Variants in PWWP3A observed in about 807,000 individuals in gnomAD.
PWWP3A encodes the protein PWWP domain-containing DNA repair factor 3A.
A neutral mutation model predicts 79.0 loss-of-function variants in PWWP3A; 53 were observed. The ratio of observed to expected loss-of-function variants is 0.67; its 90% CI spans 0.54 to 0.84. The LOEUF is 0.84. PWWP3A is among the 40% of genes least tolerant of loss of function. PWWP3A has a pLI of 0.00. For synonymous variants in PWWP3A, 443 were observed against 394.4 expected, an observed-to-expected ratio of 1.12 and a Z score of -1.46; for missense variants, 973 against 948.0, an observed-to-expected ratio of 1.03 and a Z score of -0.35.
intron 13 of PWWP3A, among the ~76,000 whole-genome samples, chr19:1,376,291 GTTTGTTTTTTTTTTTGTTTGTTT>G (rs1298154753): frequency 3.5e-4 from 18 of 50,852 alleles, no homozygotes; most frequent in Non-Finnish European, 6.0e-4. Context: ...ACGCCCGGCT[GTTTGTTTTTTTTTTTGTTTGTTT>G]TTTTTTTTTT....
chr19:1,371,202 C>A lies in PWWP3A; in HGVS notation c.1986+124C>A, dbSNP rs182532164. On this transcript the variant is annotated intron_variant, in intron 12 of 13. Coordinates refer to ENST00000591337, the MANE Select transcript of PWWP3A (RefSeq NM_001369789.1). Reference sequence around the variant, plus strand: ...CCTGGCCGTTCGGCGGCCAACGGAGCGTGGAGGCCTCCTGTGTTTACATCC... The same window carrying A: ...CCTGGCCGTTCGGCGGCCAACGGAGAGTGGAGGCCTCCTGTGTTTACATCC... The A allele has an allele frequency of 9.8e-5, 105 of 1,067,476 alleles. No individual in the cohort carries two copies. In the African/African-American group the frequency reaches 1.4e-3, roughly 14 times the overall value. The allele number at this position is 1,067,476 out of a possible 1,614,324, so 66.1% of individuals were successfully genotyped here.
rs201942090 is a variant in PWWP3A at position 1,360,262 on chromosome 19, G to A, written c.341G>A (p.Arg114Lys). The A allele has an allele frequency of 5.2e-5, 84 of 1,614,040 alleles. No individual in the cohort carries two copies. Among genetic ancestry groups the A allele is most frequent in the Non-Finnish European group, 1.7e-6 (2 of 1,180,018 alleles). The change falls in exon 5 of 14, where the codon AGA (arginine) becomes AAA (lysine). Residue 114 changes from arginine to lysine, a missense_variant. Arg to Lys is a conservative substitution (Grantham distance 26). Coordinates refer to ENST00000591337, the MANE Select transcript of PWWP3A (RefSeq NM_001369789.1). The surrounding 1 kb of genome is among the most constrained non-coding windows in gnomAD (Gnocchi z 4.4). ...CAAGAAAGCTCTGCAGGGACAGGTA[G>A]AGCTGACCGGTCTCTGCGAGGGAAG... ...WSQESSAGTG[R>K]ADRSLRGKPM...
At chr19:1,374,942 C>G (rs1385449285) in intron 13 of PWWP3A, among the ~76,000 whole-genome samples, 1 of 151,910 alleles carries the variant, frequency 6.6e-6, no homozygotes, top group African/African-American at 2.4e-5. Context: ...TTGTTAAGGC[C>G]TGGTGCGGTT....
rs1319013710 is a variant in PWWP3A at position 1,376,648 on chromosome 19, A to C, written c.*72A>C. On this transcript the variant is annotated 3_prime_UTR_variant, in exon 14 of 14. Transcript: ENST00000591337. ...CTCCAGTGTGCATGAGCGTGTCTGA[A>C]GATGGGGGGCTCAGGGGGCACGTTT... 6.7e-6 allele frequency: 10 copies of C among 1,500,856 alleles called. No homozygotes were observed. Among genetic ancestry groups the C allele is most frequent in the Non-Finnish European group, 9.2e-6 (10 of 1,085,918 alleles). The allele number at this position is 1,500,856 out of a possible 1,614,324, so 93.0% of individuals were successfully genotyped here.
chr19:1,363,565 C>T (rs1045870920), intron 6 of PWWP3A, among the ~76,000 whole-genome samples: 3 of 152,232 alleles, frequency 2.0e-5, no homozygotes, highest in Admixed American at 2.0e-4. Context: ...CCGGGACATA[C>T]AGAGGCTGGT....
At chr19:1,362,453 C>T in intron 6 of PWWP3A, 102 bp downstream of exon 6, 2 of 843,012 alleles carry the variant, frequency 2.4e-6, no homozygotes, top group African/African-American at 1.7e-5. Context: ...GAAAGGTCTC[C>T]TGCGAGTTCA....
At chr19:1,374,662 G>A (rs559069591) in intron 13 of PWWP3A, among the ~76,000 whole-genome samples, 2 of 152,142 alleles carry the variant, frequency 1.3e-5, no homozygotes, top group African/African-American at 4.8e-5. Flanking sequence ...TGCTGAGAGG[G>A]GTTGCTAGCT....
chr19:1,369,376 G>A lies in PWWP3A; in HGVS notation c.1498+36G>A, dbSNP rs1329830984. ...TGCTGGGGAGGGGTGGAGCTGGGCA[G>A]CAGGCGTCCAGCCTCTGAAGACCCC... On this transcript the variant is annotated intron_variant, in intron 10 of 13. Coordinates refer to ENST00000591337, the MANE Select transcript of PWWP3A (RefSeq NM_001369789.1). The surrounding 1 kb of genome is among the most constrained non-coding windows in gnomAD (Gnocchi z 4.0). 6.2e-7 allele frequency: 1 copy of A among 1,603,158 alleles called. No homozygotes were observed. The highest frequency in any genetic ancestry group is 8.5e-7 in the Non-Finnish European group (1 of 1,172,090).
At chr19:1,364,247 C>T (rs962031197) in intron 6 of PWWP3A, 2 of 625,910 alleles carry the variant, frequency 3.2e-6, no homozygotes, top group African/African-American at 1.8e-5. Context: ...CCCAAGGGTG[C>T]GTTTGTCGCA....
chr19:1,371,117 G>C, intron 12 of PWWP3A, 39 bp downstream of exon 12: 1 of 1,536,368 alleles, frequency 6.5e-7, no homozygotes, highest in Non-Finnish European at 8.8e-7. Context: ...GCAGGGAGGG[G>C]CCTGCGCTGG....
At chr19:1,359,273 T>C (rs1041003389) in intron 4 of PWWP3A, 5 of 153,328 alleles carry the variant, frequency 3.3e-5, no homozygotes, top group Non-Finnish European at 7.3e-5. Context: ...CCGGAATTCC[T>C]TCCAATGATG....
In PWWP3A at chr19:1,362,099, G is replaced by A. The variant is rs573531322; in HGVS notation, c.1112-151G>A. ...CTTTAAAATGTAGTTTATTAGAAGC[G>A]CACTCTGTTTGAATTTGGCAGTGTG... is the stretch of plus-strand genomic sequence containing the variant. On this transcript the variant is annotated intron_variant, in intron 5 of 13. Coordinates refer to ENST00000591337, the MANE Select transcript of PWWP3A (RefSeq NM_001369789.1). The A allele has an allele frequency of 3.8e-4, 190 of 502,956 alleles. 1 individual carries two copies. In the East Asian group the frequency reaches 5.6e-3, roughly 15 times the overall value. 31.2% of individuals were successfully genotyped at this position (502,956 alleles called of 1,614,324 possible).
chr19:1,364,109 G>A lies in PWWP3A; in HGVS notation c.1214-400G>A, dbSNP rs189705032. 6.9e-3 allele frequency: 3,573 copies of A among 520,864 alleles called. 29 individuals carry two copies. Among genetic ancestry groups the A allele is most frequent in the Non-Finnish European group, 0.011 (2,932 of 262,648 alleles). The allele number at this position is 520,864 out of a possible 1,614,324, so 32.3% of individuals were successfully genotyped here. A position where few individuals can be genotyped will look rare whatever the true frequency, so the allele number is the denominator to read the frequency against. ...GTCCTTGTGTTTGGGTCTTCTCCGC[G>A]TGCCATTACCTCACCTCTGTTTTGT... On this transcript the variant is annotated intron_variant, in intron 6 of 13. Transcript: ENST00000591337.
At chr19:1,373,282 G>C in intron 13 of PWWP3A, 122 bp downstream of exon 13, 3 of 786,052 alleles carry the variant, frequency 3.8e-6, no homozygotes, top group Non-Finnish European at 6.4e-6. Flanking sequence ...AGGTGGCCCA[G>C]GTGCTGGGTG....
chr19:1,356,557 C>A, intron 2 of PWWP3A, 108 bp downstream of exon 2: 1 of 1,096,324 alleles, frequency 9.1e-7, no homozygotes, highest in Non-Finnish European at 1.4e-6. Context: ...ATAATTGAGC[C>A]AGAACACGGT....
intron 5 of PWWP3A, among the ~76,000 whole-genome samples, 153 bp downstream of exon 5, chr19:1,361,185 T>C (rs1302131530): frequency 6.6e-6 from 1 of 152,254 alleles, no homozygotes; most frequent in Non-Finnish European, 1.5e-5. Flanking sequence ...CATTCCTTTT[T>C]GTCTGTCTCC....
In PWWP3A at chr19:1,358,012, C is replaced by T. The variant is rs115943123; in HGVS notation, c.144-382C>T. The T allele has an allele frequency of 8.8e-3, 1,603 of 182,862 alleles. 33 individuals are homozygous for T. Among genetic ancestry groups the T allele is most frequent in the African/African-American group, 0.035 (1,485 of 41,934 alleles). The allele number at this position is 182,862 out of a possible 1,614,324, so 11.3% of individuals were successfully genotyped here. A position where few individuals can be genotyped will look rare whatever the true frequency, so the allele number is the denominator to read the frequency against. ...CTCGAGTTTAAAAGGAAAGCACATC[C>T]TTTTAAACCAAAACACACCTGCTGG... On this transcript the variant is annotated intron_variant, in intron 3 of 13. Transcript: ENST00000591337.
intron 13 of PWWP3A, among the ~76,000 whole-genome samples, chr19:1,376,299 TTTTTTTTGTTTG>T (rs1438900736): frequency 2.5e-4 from 23 of 91,214 alleles, no homozygotes; most frequent in African/African-American, 1.0e-3. Context: ...CTGTTTGTTT[TTTTTTTTGTTTG>T]TTTTTTTTTT....
At chr19:1,367,307 T>C in intron 9 of PWWP3A, 87 bp downstream of exon 9, 1 of 1,157,656 alleles carries the variant, frequency 8.6e-7, no homozygotes. Context: ...TTGAAATCCA[T>C]GGCTGCGGTG....
Sources: gnomAD v4.1 joint callset for allele counts (sites outside exome capture counted in the v4.1 genomes callset) on GRCh38, gnomAD v4.1.1 for gene constraint, Gnocchi (gnomAD v3.1) non-coding constraint, MANE v1.5 for transcripts, NCBI Gene and HGNC (gene_info 2026-07-23, HGNC 2026-07-21) for gene names.